MACROD2: variants seen among roughly 807,000 people sequenced by gnomAD.
MACROD2 encodes the protein ADP-ribose glycohydrolase MACROD2.
A neutral mutation model predicts 70.4 loss-of-function variants in MACROD2; 36 were observed. The observed-to-expected ratio is 0.51, with a 90% CI of 0.39 to 0.68. MACROD2 has a LOEUF of 0.68. MACROD2 is among the 30% of genes least tolerant of loss of function. MACROD2 has a pLI of 0.00. For missense variants in MACROD2, 496 were observed against 538.4 expected (o/e 0.92, Z 0.78); for synonymous variants, 172 against 178.8 (o/e 0.96, Z 0.30).
At chr20:14,054,633 G>A (rs981804360) in intron 2 of MACROD2, among the ~76,000 whole-genome samples, 6 of 152,098 alleles carry the variant, frequency 3.9e-5, no homozygotes, top group African/African-American at 1.4e-4. Flanking sequence ...ATAATGGTGA[G>A]GGTTATGCTG....
chr20:15,162,009 C>G (rs2076351663), intron 5 of MACROD2, among the ~76,000 whole-genome samples: 1 of 150,646 alleles, frequency 6.6e-6, no homozygotes, highest in Admixed American at 6.7e-5. Flanking sequence ...ATTAAAATGG[C>G]TTAATGGGGT....
chr20:14,081,189 C>T (rs2053989670), intron 2 of MACROD2, among the ~76,000 whole-genome samples: 1 of 152,206 alleles, frequency 6.6e-6, no homozygotes, highest in Non-Finnish European at 1.5e-5. Flanking sequence ...TGTGATCACC[C>T]TGACTTGCCT....
intron 4 of MACROD2, among the ~76,000 whole-genome samples, chr20:14,594,203 C>T (rs1476814915): frequency 6.6e-6 from 1 of 152,144 alleles, no homozygotes; most frequent in Non-Finnish European, 1.5e-5. Flanking sequence ...GGTTCTTCAC[C>T]TCTGCAGTTT....
intron 5 of MACROD2, among the ~76,000 whole-genome samples, chr20:15,046,490 C>G (rs560116921): frequency 6.6e-6 from 1 of 152,192 alleles, no homozygotes; most frequent in Admixed American, 6.5e-5. Flanking sequence ...CACAATTACT[C>G]CCAGTAAACA....
intron 3 of MACROD2, among the ~76,000 whole-genome samples, chr20:14,164,417 C>T (rs1283406157): frequency 6.6e-6 from 1 of 152,074 alleles, no homozygotes; most frequent in South Asian, 2.1e-4. Flanking sequence ...AAGGCCTATT[C>T]TTGAGCCTCC....
intron 5 of MACROD2, among the ~76,000 whole-genome samples, chr20:15,104,545 G>A (rs1320290595): frequency 6.6e-6 from 1 of 152,178 alleles, no homozygotes; most frequent in Non-Finnish European, 1.5e-5. Flanking sequence ...AAATGACTGT[G>A]TTTGAATAAG....
intron 6 of MACROD2, among the ~76,000 whole-genome samples, chr20:15,378,501 T>C (rs919417378): frequency 6.6e-6 from 1 of 152,166 alleles, no homozygotes; most frequent in African/African-American, 2.4e-5. Flanking sequence ...ATTATAATAA[T>C]GTATCTTGCA....
intron 5 of MACROD2, among the ~76,000 whole-genome samples, chr20:15,011,597 T>C (rs972626396): frequency 6.6e-6 from 1 of 152,162 alleles, no homozygotes; most frequent in African/African-American, 2.4e-5. Context: ...TGTGCAGCTG[T>C]GGTCTTCCAG....
chr20:15,548,964 C>G (rs1248816420), intron 8 of MACROD2, among the ~76,000 whole-genome samples: 4 of 152,174 alleles, frequency 2.6e-5, no homozygotes, highest in African/African-American at 9.7e-5. Context: ...CCAGATCAGT[C>G]AAGCCTCAAA....
intron 5 of MACROD2, among the ~76,000 whole-genome samples, chr20:14,762,684 C>T (rs575871359): frequency 6.6e-6 from 1 of 152,114 alleles, no homozygotes; most frequent in East Asian, 1.9e-4. Context: ...AATCCTGGCA[C>T]TTTGGGAGGC....
At chr20:14,784,965 A>G (rs1397936657) in intron 5 of MACROD2, among the ~76,000 whole-genome samples, 1 of 152,092 alleles carries the variant, frequency 6.6e-6, no homozygotes, top group Non-Finnish European at 1.5e-5. Context: ...GATGCTCTGT[A>G]ACATATTTTT....
At chr20:15,483,751 G>A (rs2047128683) in intron 7 of MACROD2, among the ~76,000 whole-genome samples, 1 of 151,226 alleles carries the variant, frequency 6.6e-6, no homozygotes, top group Admixed American at 6.6e-5. Context: ...TATCAGTTTT[G>A]GAGTTGTCCT....
At chr20:15,988,340 C>T (rs2066514348) in intron 15 of MACROD2, among the ~76,000 whole-genome samples, 1 of 152,118 alleles carries the variant, frequency 6.6e-6, no homozygotes, top group South Asian at 2.1e-4. Context: ...TATGGTATTG[C>T]TCTCCTCAAT....
At chr20:15,244,998 G>A (rs34053596) in intron 6 of MACROD2, among the ~76,000 whole-genome samples, 1,587 of 152,284 alleles carry the variant, frequency 0.01, 11 homozygotes, top group South Asian at 0.018. Flanking sequence ...TTATATACCT[G>A]TGGCACTATC....
intron 4 of MACROD2, among the ~76,000 whole-genome samples, chr20:14,543,198 A>G (rs2085453722): frequency 6.6e-6 from 1 of 152,178 alleles, no homozygotes; most frequent in South Asian, 2.1e-4. Flanking sequence ...ATGTTTTCCT[A>G]TCTGATGATG....
intron 6 of MACROD2, among the ~76,000 whole-genome samples, chr20:15,233,303 ATAAAT>A (rs1385331049): frequency 6.6e-6 from 1 of 152,176 alleles, no homozygotes; most frequent in Non-Finnish European, 1.5e-5. Flanking sequence ...TGTTGACAGG[ATAAAT>A]TAGAGTATGA....
intron 5 of MACROD2, among the ~76,000 whole-genome samples, chr20:15,078,821 T>C (rs570904423): frequency 6.6e-6 from 1 of 152,034 alleles, no homozygotes; most frequent in Non-Finnish European, 1.5e-5. Flanking sequence ...AATTTTTATA[T>C]TTTTAGTAGA....
chr20:15,842,432 G>C (rs2064181294), intron 8 of MACROD2, among the ~76,000 whole-genome samples: 1 of 148,694 alleles, frequency 6.7e-6, no homozygotes, highest in Admixed American at 6.7e-5. Flanking sequence ...GAACCAATGA[G>C]CCAAAAATCC....
chr20:14,832,512 G>A (rs2072982818), intron 5 of MACROD2, among the ~76,000 whole-genome samples: 2 of 151,912 alleles, frequency 1.3e-5, no homozygotes, highest in Admixed American at 6.6e-5. Context: ...CTTCCTAGAG[G>A]GACCTTCAGA....
Sources: gnomAD v4.1 joint callset for allele counts (sites outside exome capture counted in the v4.1 genomes callset) on GRCh38, gnomAD v4.1.1 for gene constraint, MANE v1.5 for transcripts, NCBI Gene and HGNC (gene_info 2026-07-23, HGNC 2026-07-21) for gene names.